NRP1: variants seen among roughly 807,000 people sequenced by gnomAD.
The protein encoded by NRP1 is neuropilin-1.
In NRP1, 35 loss-of-function variants were observed where a neutral mutation model predicts 106.7. The observed-to-expected ratio is 0.33, with a 90% CI of 0.25 to 0.43. NRP1 has a LOEUF of 0.43. NRP1 is among the 20% of genes least tolerant of loss of function. The pLI, the probability that NRP1 is intolerant of heterozygous loss-of-function variation, is 1.00. For synonymous variants in NRP1, 437 were observed against 417.9 expected, an observed-to-expected ratio of 1.05 and a Z score of -0.56; for missense variants, 1,024 against 1,170.4, an observed-to-expected ratio of 0.87 and a Z score of 1.83.
At chr10:33,202,405 C>A in intron 11 of NRP1, 1 of 445,522 alleles carries the variant, frequency 2.2e-6, no homozygotes, top group South Asian at 3.5e-5. Context: ...TGTTAATGTA[C>A]AATGATTTAC....
chr10:33,279,893 T>G (rs1320001839), intron 2 of NRP1, among the ~76,000 whole-genome samples: 1 of 152,162 alleles, frequency 6.6e-6, no homozygotes, highest in East Asian at 1.9e-4. Context: ...CAATGTCCTC[T>G]CATCATAGTG....
At chr10:33,201,190 C>T (rs1161086354) in intron 11 of NRP1, 1 of 152,210 alleles carries the variant, frequency 6.6e-6, no homozygotes, top group Non-Finnish European at 1.5e-5. Flanking sequence ...CGCTGCCATA[C>T]ACAATTTGCT....
chr10:33,316,120 C>T (rs1564482700), intron 2 of NRP1, among the ~76,000 whole-genome samples: 3 of 152,184 alleles, frequency 2.0e-5, no homozygotes, highest in Admixed American at 1.3e-4. Flanking sequence ...ACTCTAAATG[C>T]TTCTGAGCAG....
intron 6 of NRP1, among the ~76,000 whole-genome samples, chr10:33,241,741 C>A (rs1268006847): frequency 2.0e-5 from 3 of 151,844 alleles, no homozygotes; most frequent in African/African-American, 7.3e-5. Flanking sequence ...AAAGACATTC[C>A]TTTCATACAA....
At chr10:33,287,570 G>A (rs1257057508) in intron 2 of NRP1, among the ~76,000 whole-genome samples, 1 of 152,206 alleles carries the variant, frequency 6.6e-6, no homozygotes, top group African/African-American at 2.4e-5. Flanking sequence ...GTGGTGTCCT[G>A]TTACACATGA....
intron 2 of NRP1, among the ~76,000 whole-genome samples, chr10:33,291,674 A>C (rs1318817729): frequency 2.0e-5 from 3 of 152,228 alleles, no homozygotes; most frequent in Non-Finnish European, 4.4e-5. Context: ...GTAAACTCAA[A>C]GGGATTGGAA....
intron 6 of NRP1, among the ~76,000 whole-genome samples, chr10:33,246,212 T>C (rs1050265381): frequency 1.3e-5 from 2 of 150,782 alleles, no homozygotes; most frequent in Non-Finnish European, 3.0e-5. Context: ...TGTGCACCTG[T>C]TTTCCCCAAA....
intron 10 of NRP1, 102 bp from the exon 11 acceptor site, chr10:33,203,097 C>A: frequency 1.7e-6 from 2 of 1,165,716 alleles, no homozygotes; most frequent in Non-Finnish European, 2.4e-6. Flanking sequence ...CTTTAATCTG[C>A]GGTAAGAAGA....
chr10:33,319,947 G>C (rs1327797201), intron 2 of NRP1, among the ~76,000 whole-genome samples: 1 of 151,882 alleles, frequency 6.6e-6, no homozygotes, highest in Non-Finnish European at 1.5e-5. Flanking sequence ...TTCCGTTCTT[G>C]GTCAGCTAGA....
At chr10:33,257,406 G>A (rs921149460) in intron 4 of NRP1, among the ~76,000 whole-genome samples, 8 of 152,174 alleles carry the variant, frequency 5.3e-5, no homozygotes, top group Admixed American at 1.3e-4. Context: ...GGAAGCTGAG[G>A]TGGGTGGATC....
At chr10:33,268,388 A>C (rs557311539) in intron 3 of NRP1, among the ~76,000 whole-genome samples, 1 of 152,286 alleles carries the variant, frequency 6.6e-6, no homozygotes, top group Non-Finnish European at 1.5e-5. Context: ...AGAAGCTGAG[A>C]GTCTTTGAGA....
At chr10:33,218,833 C>T (rs1838995999) in intron 8 of NRP1, among the ~76,000 whole-genome samples, 1 of 151,856 alleles carries the variant, frequency 6.6e-6, no homozygotes, top group Admixed American at 6.5e-5. Context: ...CCGCTTGTTT[C>T]TCAGAAGGCG....
intron 2 of NRP1, among the ~76,000 whole-genome samples, chr10:33,308,042 A>T (rs2132756292): frequency 1.3e-5 from 2 of 152,348 alleles, no homozygotes; most frequent in African/African-American, 4.8e-5. Flanking sequence ...GCCATAAAAA[A>T]GAATGAGATC....
At chr10:33,182,833 G>GCGCACACACACACA (rs374584878) in intron 15 of NRP1, 85 bp from the exon 16 acceptor site, 40,683 of 738,558 alleles carry the variant, frequency 0.055, 731 homozygotes, top group Middle Eastern at 0.092. Context: ...TTAGGTACAT[G>GCGCACACACACACA]CACACACACA....
intron 6 of NRP1, among the ~76,000 whole-genome samples, chr10:33,251,347 T>C (rs1391586106): frequency 6.6e-6 from 1 of 152,166 alleles, no homozygotes; most frequent in Non-Finnish European, 1.5e-5. Context: ...CTCTTTCCTT[T>C]ATAAATTAAC....
At chr10:33,310,269 G>A (rs1408908193) in intron 2 of NRP1, among the ~76,000 whole-genome samples, 3 of 29,620 alleles carry the variant, frequency 1.0e-4, no homozygotes, top group Non-Finnish European at 1.5e-4. Flanking sequence ...TTTTTTTTTC[G>A]AGACAGAGTC....
At chr10:33,217,354 T>C (rs941115368) in intron 8 of NRP1, among the ~76,000 whole-genome samples, 1 of 150,838 alleles carries the variant, frequency 6.6e-6, no homozygotes, top group Non-Finnish European at 1.5e-5. Flanking sequence ...GAGACTGTTA[T>C]TCCTTCCATA....
At chr10:33,213,164 A>C in intron 9 of NRP1, 3 of 1,265,976 alleles carry the variant, frequency 2.4e-6, no homozygotes, top group Non-Finnish European at 3.2e-6. Context: ...CAGCCAGGGA[A>C]TGGGACCAGC....
chr10:33,233,079 A>G (rs2133009712), intron 6 of NRP1, among the ~76,000 whole-genome samples: 1 of 152,304 alleles, frequency 6.6e-6, no homozygotes, highest in Admixed American at 6.5e-5. Context: ...TCTACCCACA[A>G]CTTACTTTCA....
Sources: gnomAD v4.1 joint callset for allele counts (sites outside exome capture counted in the v4.1 genomes callset) on GRCh38, gnomAD v4.1.1 for gene constraint, MANE v1.5 for transcripts, NCBI Gene and HGNC (gene_info 2026-07-23, HGNC 2026-07-21) for gene names.